Variants in FRY observed in about 807,000 individuals in gnomAD.
The protein encoded by FRY is protein furry homolog.
Under a neutral mutation model 348.4 loss-of-function variants are expected in FRY, and 128 were observed. That is an observed-to-expected ratio of 0.37 (90% CI 0.32 to 0.43). The LOEUF (loss-of-function observed/expected upper bound fraction) is 0.43. Among genes scored for constraint, FRY ranks in the 20% least tolerant of loss-of-function variants. The pLI is 1.00. For synonymous variants in FRY, 1,370 were observed against 1,374.7 expected, an observed-to-expected ratio of 1.00 and a Z score of 0.08; for missense variants, 2,736 against 3,695.2, an observed-to-expected ratio of 0.74 and a Z score of 6.73.
intron 8 of FRY, among the ~76,000 whole-genome samples, chr13:32,133,840 C>T (rs1037152581): frequency 7.5e-6 from 1 of 133,272 alleles, no homozygotes; most frequent in African/African-American, 2.8e-5. Flanking sequence ...AGTGCAGTGG[C>T]ATGATCTTGA....
At chr13:32,146,772 T>A (rs1282496741) in intron 11 of FRY, among the ~76,000 whole-genome samples, 3 of 152,158 alleles carry the variant, frequency 2.0e-5, no homozygotes, top group African/African-American at 4.8e-5. Context: ...ATTGTGAACA[T>A]CTTAAGGGAA....
Position 32,228,519 on chromosome 13 carries a change from G to C in FRY, c.5270G>C (p.Ser1757Thr). The C allele has an allele frequency of 2.5e-6, 4 of 1,613,736 alleles. No individual in the cohort carries two copies. The highest frequency in any genetic ancestry group is 3.4e-6 in the Non-Finnish European group (4 of 1,179,886). The change falls in exon 40 of 61, where the codon AGC becomes ACC. Residue 1757 changes from serine (S) to threonine (T), a missense_variant. Around this residue, in one of 9 missense-constraint regions of FRY, gnomAD observed 794 missense variants for 977.0 expected, o/e 0.81. Transcript: ENST00000542859. ...SPVPDSGLSS[S>T]STSSSISLGG... ...GTGCCTGACTCAGGGCTTAGTTCAA[G>C]CTCCACCTCCTCTAGCATCAGTCTG... is the stretch of plus-strand genomic sequence containing the variant.
chr13:32,127,666 C>A (rs913849889), intron 7 of FRY, among the ~76,000 whole-genome samples: 2 of 151,988 alleles, frequency 1.3e-5, no homozygotes, highest in Non-Finnish European at 1.5e-5. Context: ...GTAATCCCAG[C>A]TACTCAGGAG....
Position 32,178,249 on chromosome 13 carries a change from C to T in FRY, c.2494C>T (p.His832Tyr), listed in dbSNP as rs1250576719. 11 of 1,614,120 alleles carry T rather than the reference C, an allele frequency of 6.8e-6. No individual in the cohort carries two copies. The highest frequency in any genetic ancestry group is 8.5e-6 in the Non-Finnish European group (10 of 1,179,966). Residue 832 changes from histidine to tyrosine, a missense_variant, in exon 21 of 61, where the codon CAT becomes TAT. This residue lies in a region of FRY where 449 missense variants were observed against 576.9 expected (regional missense o/e 0.78). Coordinates refer to ENST00000542859, the MANE Select transcript of FRY (RefSeq NM_023037.3). ...ATGGAACGCAGTCCTGGTCAATAGC[C>T]ATTATGATGTGAAAAGCCCTTCCCA... is the stretch of plus-strand genomic sequence containing the variant. ...VEWNAVLVNS[H>Y]YDVKSPSHVW...
rs1193815023 is a variant in FRY at position 32,297,237 on chromosome 13, A to G, written c.*1777A>G. 6.6e-6 allele frequency: 1 copy of G among 152,186 alleles called. No individual in the cohort carries two copies. The highest frequency in any genetic ancestry group is 2.4e-5 in the African/African-American group (1 of 41,446). The allele number at this position is 152,186 out of a possible 1,614,324, so 9.4% of individuals were successfully genotyped here. ...CTACTAGATTTTAATAATTTTCTGG[A>G]CTGCTGAAAACATATTTTTCTGATG... is the stretch of plus-strand genomic sequence containing the variant. On this transcript the variant is annotated 3_prime_UTR_variant, in exon 61 of 61. Transcript: ENST00000542859.
At chr13:32,111,750 A>G (rs151037787) in intron 3 of FRY, among the ~76,000 whole-genome samples, 24 of 152,252 alleles carry the variant, frequency 1.6e-4, no homozygotes, top group African/African-American at 5.8e-4. Context: ...ACCCACTTAT[A>G]TTTGGACTCA....
Position 32,194,291 on chromosome 13 carries a change from G to A in FRY, c.3740G>A (p.Gly1247Glu), listed in dbSNP as rs41292163. The A allele has an allele frequency of 5.7e-3, 9,162 of 1,614,132 alleles. 41 individuals carry two copies. The highest frequency in any genetic ancestry group is 6.3e-3 in the Non-Finnish European group (7,431 of 1,179,958). ...GCFKAIATVC[G>E]SRNYPFDIVT... ...TTCAAAGCCATAGCAACTGTGTGTG[G>A]AAGCAGGTACGAATTTTTATAAGCA... The change falls in exon 29 of 61, where the codon GGA becomes GAA. Residue 1247 changes from glycine (G) to glutamate (E), a missense_variant. Coordinates refer to ENST00000542859, the MANE Select transcript of FRY (RefSeq NM_023037.3).
At chr13:32,175,478 C>T (rs540179463) in intron 19 of FRY, 68 bp from the exon 20 acceptor site, 162 of 945,726 alleles carry the variant, frequency 1.7e-4, no homozygotes, top group Middle Eastern at 6.3e-4. Context: ...ATGTATCAGA[C>T]GAAGGCGGTG....
rs2138753454 is a variant in FRY, at chr13:32,130,888, T to C, written c.717-784T>C. On this transcript the variant is annotated intron_variant, in intron 7 of 60. Transcript: ENST00000542859. Reference sequence around the variant, plus strand: ...TGGAGTGCAATGGCATGATCTCGGCTCATTGCAACCTCTGCCTCCCGGGTT... The same window carrying C: ...TGGAGTGCAATGGCATGATCTCGGCCCATTGCAACCTCTGCCTCCCGGGTT... Among the ~76,000 whole-genome samples the C allele has an allele frequency of 2.0e-5, 3 of 151,938 alleles. 1 individual carries two copies. The Middle Eastern group carries it at 0.01, about 520-fold the overall frequency.
Position 32,117,240 on chromosome 13 carries a change from A to C in FRY, c.325-94A>C, listed in dbSNP as rs181969511. On this transcript the variant is annotated intron_variant, in intron 3 of 60. Coordinates refer to ENST00000542859, the MANE Select transcript of FRY (RefSeq NM_023037.3). The stretch of plus-strand genomic sequence containing the variant: ...ACTGTGATACGGAAGAAAATATTTT[A>C]GTGAGTAGTGCTTGGGGTTACTTGT... 7,315 of 1,084,496 alleles carry C rather than the reference A, an allele frequency of 6.7e-3. 34 individuals are homozygous for C. The highest frequency in any genetic ancestry group is 7.5e-3 in the Non-Finnish European group (5,389 of 718,638). The allele number at this position is 1,084,496 out of a possible 1,614,324, so 67.2% of individuals were successfully genotyped here. A position where few individuals can be genotyped will look rare whatever the true frequency, so the allele number is the denominator to read the frequency against.
At chr13:32,039,680 A>G (rs1308073639) in intron 1 of FRY, among the ~76,000 whole-genome samples, 1 of 152,226 alleles carries the variant, frequency 6.6e-6, no homozygotes, top group Non-Finnish European at 1.5e-5. Context: ...TTCTGCCAGC[A>G]TATCAGACTC....
chr13:32,098,243 A>C (rs1035733418), intron 2 of FRY, among the ~76,000 whole-genome samples: 3 of 152,086 alleles, frequency 2.0e-5, no homozygotes, highest in Non-Finnish European at 4.4e-5. Context: ...TTCAAAGTAT[A>C]CTATTTAGAT....
chr13:32,182,198 G>T (rs934926627), intron 23 of FRY, among the ~76,000 whole-genome samples: 2 of 152,110 alleles, frequency 1.3e-5, no homozygotes, highest in African/African-American at 2.4e-5. Context: ...TTATCTTTTT[G>T]TCTGTTTTTT....
rs112186139 is a variant in FRY at position 32,062,191 on chromosome 13, A to AT, written c.71-16635dup. 9.8e-3 allele frequency among the ~76,000 whole-genome samples: 1,479 copies of AT among 151,338 alleles called. 36 individuals carry two copies. The highest frequency in any genetic ancestry group is 0.034 in the African/African-American group (1,421 of 41,254). On this transcript the variant is annotated intron_variant, in intron 1 of 60. Transcript: ENST00000542859. ...GGAACTTTTTTTTTCCTCCCAAGGA[A>AT]TTTTTTTTAGTGTATAACAAGCATA...
At chr13:32,258,687 T>C (rs1318094045) in intron 51 of FRY, among the ~76,000 whole-genome samples, 4 of 151,884 alleles carry the variant, frequency 2.6e-5, no homozygotes, top group African/African-American at 4.9e-5. Flanking sequence ...AATCTTTTTT[T>C]CCCCCAGGAA....
chr13:32,272,210 A>G (rs1888240682), intron 55 of FRY, among the ~76,000 whole-genome samples: 1 of 152,198 alleles, frequency 6.6e-6, no homozygotes, highest in Non-Finnish European at 1.5e-5. Context: ...ATTTCCTCAC[A>G]ATGTGTGTTT....
chr13:32,272,807 C>T (rs1244722965), intron 55 of FRY, among the ~76,000 whole-genome samples: 2 of 152,114 alleles, frequency 1.3e-5, no homozygotes, highest in East Asian at 3.9e-4. Flanking sequence ...GCGATCTTGG[C>T]TCACTGCAAC....
At chr13:32,191,859 G>C (rs1301087810) in intron 28 of FRY, among the ~76,000 whole-genome samples, 1 of 152,116 alleles carries the variant, frequency 6.6e-6, no homozygotes, top group Admixed American at 6.5e-5. Context: ...CCACCACCTT[G>C]GGGGTTAAGA....
intron 55 of FRY, among the ~76,000 whole-genome samples, chr13:32,269,134 C>T (rs183409908): frequency 6.1e-4 from 92 of 151,960 alleles, no homozygotes; most frequent in Non-Finnish European, 7.4e-4. Context: ...CCATGGCCGA[C>T]GGGAAAGGCA....
Sources: allele counts gnomAD v4.1 joint callset (sites outside exome capture counted in the v4.1 genomes callset), GRCh38; gene constraint gnomAD v4.1.1; regional missense constraint gnomAD v4.1.1; transcripts MANE v1.5; gene names NCBI Gene and HGNC (gene_info 2026-07-23, HGNC 2026-07-21).